CPSF6: variants seen among roughly 807,000 people sequenced by gnomAD.
CPSF6 encodes cleavage and polyadenylation specificity factor subunit 6.
A neutral mutation model predicts 56.7 loss-of-function variants in CPSF6; 10 were observed. The observed-to-expected ratio is 0.18, with a 90% CI of 0.11 to 0.30. The LOEUF is 0.30. Ranked by LOEUF, CPSF6 falls within the 10% of genes least tolerant of loss-of-function variation. The pLI is 1.00. For synonymous variants in CPSF6, 248 were observed against 244.8 expected (o/e 1.01, Z -0.12); for missense variants, 419 against 722.9 (o/e 0.58, Z 4.82).
chr12:69,261,179 C>T (rs317647), intron 8 of CPSF6, among the ~76,000 whole-genome samples: 2,412 of 152,266 alleles, frequency 0.016, 70 homozygotes, highest in African/African-American at 0.055. Flanking sequence ...TTGCCTTTGA[C>T]ATGGTCCCCA....
rs890980410 is a variant in CPSF6, at chr12:69,274,037, G to T, written c.*4529G>T. ...GGCCAAAGAAAGTCTTAAAATTTTAGCTATTGACTCTATGGTGACTTCACA... is the reference window on the plus strand; with the variant it reads ...GGCCAAAGAAAGTCTTAAAATTTTATCTATTGACTCTATGGTGACTTCACA... On this transcript the variant is annotated 3_prime_UTR_variant, in exon 10 of 10. Transcript: ENST00000435070. 2 of 150,460 alleles carry T rather than the reference G, an allele frequency of 1.3e-5. No homozygotes were observed. Among genetic ancestry groups the T allele is most frequent in the African/African-American group, 4.9e-5 (2 of 40,874 alleles). The allele number at this position is 150,460 out of a possible 1,614,324, so 9.3% of individuals were successfully genotyped here. A position where few individuals can be genotyped will look rare whatever the true frequency, so the allele number is the denominator to read the frequency against.
In CPSF6 at chr12:69,257,918, T is replaced by G. The variant is rs1447354918; in HGVS notation, c.694+13T>G. ...CCACCTTTTCCAGGTAAAACTTTTC[T>G]TAAATTACCATGGATAAAACATGTC... On this transcript the variant is annotated intron_variant, in intron 5 of 9. Coordinates refer to ENST00000435070, the MANE Select transcript of CPSF6 (RefSeq NM_007007.3). 5.0e-6 allele frequency: 8 copies of G among 1,590,572 alleles called. No homozygotes were observed. Among genetic ancestry groups the G allele is most frequent in the Non-Finnish European group, 6.8e-6 (8 of 1,171,088 alleles).
At position 69,253,081 on chromosome 12, in the gene CPSF6, G is replaced by A. The variant is rs150030798; in HGVS notation, c.301G>A (p.Val101Ile). 3.7e-5 allele frequency: 59 copies of A among 1,590,446 alleles called. No individual in the cohort carries two copies. In the Middle Eastern group the frequency reaches 8.3e-4, roughly 22 times the overall value. ...WTTDEDLTEA[V>I]HSLGVNDILE... ...AACAGATGAAGACTTAACTGAAGCA[G>A]TTCATTCTTTGGGAGTAAATGATAT... The change falls in exon 3 of 10, where the codon GTT (valine) becomes ATT (isoleucine). Residue 101 changes from valine to isoleucine, a missense_variant. Val to Ile is a conservative substitution (Grantham distance 29, BLOSUM62 3). Coordinates refer to ENST00000435070, the MANE Select transcript of CPSF6 (RefSeq NM_007007.3).
chr12:69,273,604 A>C lies in CPSF6; in HGVS notation c.*4096A>C, dbSNP rs1429903723. ...TTTAGCGAAAACATTTTGTTTTGAA[A>C]GTGTGTTCTTTTTGTCGCACTGTTA... On this transcript the variant is annotated 3_prime_UTR_variant, in exon 10 of 10. Coordinates refer to ENST00000435070, the MANE Select transcript of CPSF6 (RefSeq NM_007007.3). 1 of 152,078 alleles carries C rather than the reference A, an allele frequency of 6.6e-6. No homozygotes were observed. The highest frequency in any genetic ancestry group is 1.5e-5 in the Non-Finnish European group (1 of 67,942). The allele number at this position is 152,078 out of a possible 1,614,324, so 9.4% of individuals were successfully genotyped here.
chr12:69,240,834 T>A (rs1871582116), intron 1 of CPSF6, among the ~76,000 whole-genome samples: 1 of 152,198 alleles, frequency 6.6e-6, no homozygotes, highest in Admixed American at 6.5e-5. Context: ...CGTTTGTTGC[T>A]AGTGACGTTT....
intron 1 of CPSF6, among the ~76,000 whole-genome samples, chr12:69,250,601 A>G (rs537117744): frequency 1.9e-4 from 20 of 107,674 alleles, no homozygotes; most frequent in South Asian, 5.9e-4. Context: ...AAAAAAAAAA[A>G]AAAAAAGAAA....
chr12:69,259,578 A>T, intron 7 of CPSF6, 35 bp downstream of exon 7: 1 of 1,562,762 alleles, frequency 6.4e-7, no homozygotes, highest in Non-Finnish European at 8.7e-7. Context: ...TTTCTTATTT[A>T]TGTTATTAGG....
intron 1 of CPSF6, among the ~76,000 whole-genome samples, chr12:69,245,867 C>T (rs1223819470): frequency 6.6e-6 from 1 of 152,192 alleles, no homozygotes. Context: ...AGGCGGATCA[C>T]TTGAGGTCAG....
chr12:69,258,288 G>T lies in CPSF6; in HGVS notation c.695-302G>T. 1.6e-6 allele frequency: 1 copy of T among 612,754 alleles called. No homozygotes were observed. Among genetic ancestry groups the T allele is most frequent in the East Asian group, 2.8e-5 (1 of 35,918 alleles). 38.0% of individuals were successfully genotyped at this position (612,754 alleles called of 1,614,324 possible). On this transcript the variant is annotated intron_variant, in intron 5 of 9. Transcript: ENST00000435070. The surrounding 1 kb of genome is among the most constrained non-coding windows in gnomAD (Gnocchi z 4.2). ...TTGGCATCAGAGTAGAATATAAGGT[G>T]GGTGATTTCACTGTAAGAAGTGTGT... is the stretch of plus-strand genomic sequence containing the variant.
chr12:69,242,625 C>G (rs747898302), intron 1 of CPSF6, among the ~76,000 whole-genome samples: 1 of 152,138 alleles, frequency 6.6e-6, no homozygotes, highest in Non-Finnish European at 1.5e-5. Flanking sequence ...AAGCTGAGAA[C>G]AGCTGGAAGG....
chr12:69,253,767 A>C (rs904668327), intron 3 of CPSF6, among the ~76,000 whole-genome samples: 1 of 152,130 alleles, frequency 6.6e-6, no homozygotes, highest in Admixed American at 6.5e-5. Context: ...CATCCTCTCT[A>C]ATGTCTAATT....
chr12:69,247,650 T>C (rs1401057975), intron 1 of CPSF6, among the ~76,000 whole-genome samples: 1 of 152,192 alleles, frequency 6.6e-6, no homozygotes, highest in Admixed American at 6.5e-5. Context: ...CACAGAGCTT[T>C]ATTTATATAT....
At chr12:69,266,592 ATATT>A (rs1376958602) in intron 9 of CPSF6, among the ~76,000 whole-genome samples, 9 of 152,226 alleles carry the variant, frequency 5.9e-5, no homozygotes, top group African/African-American at 2.2e-4. Flanking sequence ...TCTTGAATGA[ATATT>A]TAGTTAACGT....
chr12:69,241,599 C>G (rs1171123936), intron 1 of CPSF6, among the ~76,000 whole-genome samples: 3 of 152,186 alleles, frequency 2.0e-5, no homozygotes, highest in African/African-American at 7.2e-5. Flanking sequence ...GGACATCTCC[C>G]TTATCCGGAT....
intron 1 of CPSF6, among the ~76,000 whole-genome samples, chr12:69,245,678 A>G (rs1044724539): frequency 5.3e-5 from 8 of 152,226 alleles, no homozygotes; most frequent in Non-Finnish European, 4.4e-5. Context: ...GCATTGAAGT[A>G]GTATGTTTTG....
rs1216907261 is a variant in CPSF6, at chr12:69,273,723, C to T, written c.*4215C>T. 2 of 151,568 alleles carry T rather than the reference C, an allele frequency of 1.3e-5. No individual in the cohort carries two copies. Among genetic ancestry groups the T allele is most frequent in the Admixed American group, 6.6e-5 (1 of 15,216 alleles). The allele number at this position is 151,568 out of a possible 1,614,324, so 9.4% of individuals were successfully genotyped here. Reference sequence around the variant, plus strand: ...TTTTTTTACTTTGAAAATTGTAGTACTCAGGTGGTATTTAATGGGAAAGGA... The same window carrying T: ...TTTTTTTACTTTGAAAATTGTAGTATTCAGGTGGTATTTAATGGGAAAGGA... On this transcript the variant is annotated 3_prime_UTR_variant, in exon 10 of 10. Transcript: ENST00000435070.
intron 1 of CPSF6, among the ~76,000 whole-genome samples, chr12:69,244,465 C>T (rs543251659): frequency 2.0e-5 from 3 of 152,110 alleles, no homozygotes; most frequent in Non-Finnish European, 4.4e-5. Context: ...CTCAAGTGAT[C>T]CTCTTGCCTT....
intron 4 of CPSF6, among the ~76,000 whole-genome samples, chr12:69,257,279 A>G (rs1350800398): frequency 6.6e-6 from 1 of 152,218 alleles, no homozygotes; most frequent in Admixed American, 6.5e-5. Flanking sequence ...AATATAGAAA[A>G]GATTTGTCAT....
Position 69,258,675 on chromosome 12 carries a change from T to G in CPSF6, c.780T>G (p.Pro260=), listed in dbSNP as rs962044245. The G allele has an allele frequency of 2.5e-6, 4 of 1,613,684 alleles. No individual in the cohort carries two copies. Among genetic ancestry groups the G allele is most frequent in the African/African-American group, 1.3e-5 (1 of 74,768 alleles). The change falls in exon 6 of 10, where the codon CCT becomes CCG. Residue 260 remains proline, a synonymous_variant. Coordinates refer to ENST00000435070, the MANE Select transcript of CPSF6 (RefSeq NM_007007.3). This position sits in a 1 kb window ranked among gnomAD's most constrained non-coding sequence, Gnocchi z 4.2. The stretch of plus-strand genomic sequence containing the variant: ...CTCCACCTCCTGGTCAGGTTCTGCC[T>G]CCTCCTCTAGCTGGGCCTCCTAATC... ...PGPPPPGQVL[P]PPLAGPPNRG...
Sources: allele counts gnomAD v4.1 joint callset (sites outside exome capture counted in the v4.1 genomes callset), GRCh38; gene constraint gnomAD v4.1.1; non-coding constraint Gnocchi (gnomAD v3.1); transcripts MANE v1.5; gene names NCBI Gene and HGNC (gene_info 2026-07-23, HGNC 2026-07-21).